Variants in NALF1 observed in about 807,000 individuals in gnomAD.
NALF1 encodes NALCN channel auxiliary factor 1, also known as family with sequence similarity 155 member A.
In NALF1, 3 loss-of-function variants were observed where a neutral mutation model predicts 48.4. The ratio of observed to expected loss-of-function variants is 0.06; its 90% confidence interval spans 0.03 to 0.16. The LOEUF is 0.16. Ranked by LOEUF, NALF1 falls within the 10% of genes least tolerant of loss-of-function variation. The pLI is 1.00. For missense variants in NALF1, 526 were observed against 571.5 expected (o/e 0.92, Z 0.81); for synonymous variants, 262 against 245.7 (o/e 1.07, Z -0.62).
intron 1 of NALF1, among the ~76,000 whole-genome samples, chr13:107,378,905 T>G (rs1883385225): frequency 2.6e-5 from 4 of 152,128 alleles, no homozygotes; most frequent in Admixed American, 2.6e-4. Context: ...ACAAATAATA[T>G]ACTGATTATC....
rs1307359148 is a variant in NALF1 at position 107,603,170 on chromosome 13, A to T, written c.915+262512T>A. ...CATTGTACTGATATGCAATTTAATT[A>T]TTAGTTTTACAATTTAGACACTGCT... On this transcript the variant is annotated intron_variant, in intron 1 of 2. Coordinates refer to ENST00000375915, the MANE Select transcript of NALF1 (RefSeq NM_001080396.3). 2.0e-5 allele frequency among the ~76,000 whole-genome samples: 3 copies of T among 152,348 alleles called. No homozygotes were observed. In the East Asian group the frequency reaches 5.8e-4, roughly 29 times the overall value.
At chr13:107,479,626 G>C (rs1460172272) in intron 1 of NALF1, among the ~76,000 whole-genome samples, 1 of 146,962 alleles carries the variant, frequency 6.8e-6, no homozygotes, top group Non-Finnish European at 1.5e-5. Flanking sequence ...TTTTAAGGGA[G>C]ATTTGCTCTT....
At chr13:107,209,939 T>G (rs1394718619) in intron 2 of NALF1, among the ~76,000 whole-genome samples, 3 of 152,224 alleles carry the variant, frequency 2.0e-5, no homozygotes, top group Admixed American at 2.0e-4. Context: ...TATCTTATTC[T>G]GTCTAAATTA....
chr13:107,862,369 T>C (rs1223332566), intron 1 of NALF1, among the ~76,000 whole-genome samples: 1 of 152,152 alleles, frequency 6.6e-6, no homozygotes, highest in African/African-American at 2.4e-5. Context: ...GAATATTTCA[T>C]TTTTTAATAT....
chr13:107,603,050 T>C (rs183347505), intron 1 of NALF1, among the ~76,000 whole-genome samples: 31 of 152,322 alleles, frequency 2.0e-4, no homozygotes, highest in Middle Eastern at 3.4e-3. Flanking sequence ...AAATTGAAAA[T>C]CATTTCTGAT....
At chr13:107,329,350 G>T (rs1882424209) in intron 1 of NALF1, among the ~76,000 whole-genome samples, 1 of 152,108 alleles carries the variant, frequency 6.6e-6, no homozygotes, top group African/African-American at 2.4e-5. Context: ...TGTTGTGAAA[G>T]GAGCACTCTA....
At chr13:107,425,182 G>A (rs1194869656) in intron 1 of NALF1, among the ~76,000 whole-genome samples, 2 of 152,218 alleles carry the variant, frequency 1.3e-5, no homozygotes, top group African/African-American at 4.8e-5. Flanking sequence ...CGCCAAAGGT[G>A]AAGTTTGGAG....
intron 2 of NALF1, among the ~76,000 whole-genome samples, chr13:107,199,244 T>C (rs993235918): frequency 6.6e-6 from 1 of 152,132 alleles, no homozygotes; most frequent in South Asian, 2.1e-4. Context: ...GGCAAGACCA[T>C]GTGAAGACAC....
chr13:107,817,165 A>C (rs2138612491), intron 1 of NALF1, among the ~76,000 whole-genome samples: 1 of 152,334 alleles, frequency 6.6e-6, no homozygotes, highest in African/African-American at 2.4e-5. Context: ...GAGGACACAA[A>C]TAAGTAAATA....
intron 1 of NALF1, among the ~76,000 whole-genome samples, chr13:107,595,035 A>C (rs1472700926): frequency 1.3e-5 from 2 of 152,118 alleles, no homozygotes; most frequent in African/African-American, 4.8e-5. Flanking sequence ...TTAATTTAGC[A>C]TGTTATTATT....
rs1311506466 is a variant in NALF1, at chr13:107,742,409, G to C, written c.915+123273C>G. Among the ~76,000 whole-genome samples, 3 of 152,224 alleles carry C rather than the reference G, an allele frequency of 2.0e-5. No homozygotes were observed. In the East Asian group the frequency reaches 5.8e-4, roughly 29 times the overall value. ...TGTGTCCTGGGAAGGACCCAGGAGG[G>C]GATAATTGAATCATGGGGGCGGTTA... On this transcript the variant is annotated intron_variant, in intron 1 of 2. Coordinates refer to ENST00000375915, the MANE Select transcript of NALF1 (RefSeq NM_001080396.3).
chr13:107,756,360 C>A (rs2138557066), intron 1 of NALF1, among the ~76,000 whole-genome samples: 1 of 151,258 alleles, frequency 6.6e-6, no homozygotes, highest in East Asian at 2.0e-4. Flanking sequence ...CCAAACACCA[C>A]CTTGAAGAGC....
intron 2 of NALF1, among the ~76,000 whole-genome samples, chr13:107,197,948 A>G (rs917698657): frequency 6.6e-6 from 1 of 152,204 alleles, no homozygotes; most frequent in Non-Finnish European, 1.5e-5. Context: ...AATTAAATAA[A>G]ACAGTTATAT....
chr13:107,669,450 C>T (rs1228869243), intron 1 of NALF1, among the ~76,000 whole-genome samples: 2 of 152,122 alleles, frequency 1.3e-5, no homozygotes, highest in Admixed American at 1.3e-4. Flanking sequence ...ATTGTAAGCT[C>T]ATGCCATTAA....
chr13:107,740,852 T>C (rs1876611350), intron 1 of NALF1, among the ~76,000 whole-genome samples: 1 of 152,190 alleles, frequency 6.6e-6, no homozygotes, highest in African/African-American at 2.4e-5. Flanking sequence ...AGGAATAAAA[T>C]ATATGCTTTG....
intron 1 of NALF1, among the ~76,000 whole-genome samples, chr13:107,790,656 T>G (rs1215569896): frequency 6.6e-6 from 1 of 152,232 alleles, no homozygotes; most frequent in Admixed American, 6.5e-5. Flanking sequence ...ATAGCAATTC[T>G]GCATACATTT....
chr13:107,865,355 T>G (rs1019938155), intron 1 of NALF1, among the ~76,000 whole-genome samples: 1 of 152,122 alleles, frequency 6.6e-6, no homozygotes, highest in Non-Finnish European at 1.5e-5. Context: ...TGACAAGACT[T>G]TTTCAACTTC....
intron 1 of NALF1, among the ~76,000 whole-genome samples, chr13:107,702,960 G>C (rs1181303333): frequency 6.6e-6 from 1 of 152,110 alleles, no homozygotes; most frequent in African/African-American, 2.4e-5. Context: ...TGGGCATTTA[G>C]GTTGGTTTCA....
intron 1 of NALF1, among the ~76,000 whole-genome samples, chr13:107,785,483 T>C (rs374804827): frequency 4.6e-5 from 7 of 152,256 alleles, no homozygotes; most frequent in African/African-American, 1.7e-4. Context: ...TTTCACTAGG[T>C]GGGAGCTAAG....
Sources: allele counts gnomAD v4.1 joint callset (sites outside exome capture counted in the v4.1 genomes callset), GRCh38; gene constraint gnomAD v4.1.1; transcripts MANE v1.5; gene names NCBI Gene and HGNC (gene_info 2026-07-23, HGNC 2026-07-21).